The following SEC24A variants were observed in gnomAD, a reference collection of about 807,000 sequenced individuals.
SEC24A encodes SEC24 homolog A, COPII component.
Under a neutral mutation model 129.4 loss-of-function variants are expected in SEC24A, and 93 were observed. That is an observed-to-expected ratio of 0.72 (90% CI 0.61 to 0.85). SEC24A has a LOEUF of 0.85. Ranked by LOEUF, SEC24A falls within the 40% of genes least tolerant of loss-of-function variation. The pLI, the probability that SEC24A is intolerant of heterozygous loss-of-function variation, is 0.00. For synonymous variants in SEC24A, 460 were observed against 467.3 expected, an observed-to-expected ratio of 0.98 and a Z score of 0.20; for missense variants, 1,264 against 1,307.4, an observed-to-expected ratio of 0.97 and a Z score of 0.51.
chr5:134,673,625 T>C (rs1032469398), intron 4 of SEC24A, among the ~76,000 whole-genome samples: 1 of 151,818 alleles, frequency 6.6e-6, no homozygotes, highest in African/African-American at 2.4e-5. Flanking sequence ...ATCTGGGTAA[T>C]TTTTGTACTT....
chr5:134,714,803 T>C lies in SEC24A; in HGVS notation c.2728-221T>C, dbSNP rs542628713. Among the ~76,000 whole-genome samples, 3 of 152,292 alleles carry C rather than the reference T, an allele frequency of 2.0e-5. No homozygotes were observed. In the East Asian group the frequency reaches 5.8e-4, roughly 29 times the overall value. On this transcript the variant is annotated intron_variant, in intron 18 of 22. Transcript: ENST00000398844. The stretch of plus-strand genomic sequence containing the variant: ...ACAGACACCATGGAGATCAGATAAC[T>C]TTGCCATGGTCAGTTAGTTAATTTC...
At chr5:134,679,020 G>A (rs1308880757) in intron 7 of SEC24A, among the ~76,000 whole-genome samples, 1 of 151,600 alleles carries the variant, frequency 6.6e-6, no homozygotes, top group South Asian at 2.1e-4. Flanking sequence ...CACTGTGCCT[G>A]GCCTGCTATT....
chr5:134,681,086 G>A (rs555976883), intron 8 of SEC24A, among the ~76,000 whole-genome samples: 12 of 146,636 alleles, frequency 8.2e-5, no homozygotes, highest in South Asian at 2.2e-4. Context: ...GCGACAGAGC[G>A]AGACTCTGTC....
intron 17 of SEC24A, 127 bp from the exon 18 acceptor site, chr5:134,708,586 T>G: frequency 1.2e-6 from 1 of 812,660 alleles, no homozygotes; most frequent in Non-Finnish European, 1.9e-6. Context: ...TTTTGTCTCA[T>G]TTGTGTATGT....
In SEC24A at chr5:134,649,131, CA is replaced by C. The variant is rs1238784314; in HGVS notation, c.56del (p.Gln19ArgfsTer28). 6.2e-7 allele frequency: 1 copy of C among 1,610,162 alleles called. No individual in the cohort carries two copies. The highest frequency in any genetic ancestry group is 1.1e-5 in the South Asian group (1 of 90,340). On this transcript the variant is annotated frameshift_variant, in exon 1 of 23. Transcript: ENST00000398844. LOFTEE classifies it high-confidence loss of function. ...CGGCGCCCCAGCCAGCCTCCAGGCC[CA>C]GAACGGAGCCGCCTTGGCCTCGGGG... ...SGGAPASLQA[Q>X]NGAALASGSP...
intron 1 of SEC24A, among the ~76,000 whole-genome samples, chr5:134,657,762 A>G (rs1750297354): frequency 6.6e-6 from 1 of 152,010 alleles, no homozygotes; most frequent in Admixed American, 6.6e-5. Context: ...TTTTTTGTAG[A>G]GACGAGGTCT....
intron 19 of SEC24A, among the ~76,000 whole-genome samples, chr5:134,717,393 G>C (rs1444472311): frequency 6.6e-6 from 1 of 151,938 alleles, no homozygotes; most frequent in Non-Finnish European, 1.5e-5. Flanking sequence ...TGTAATCCCA[G>C]CTACTCGGGA....
chr5:134,693,648 T>G, intron 12 of SEC24A, 79 bp from the exon 13 acceptor site: 1 of 1,532,850 alleles, frequency 6.5e-7, no homozygotes. Flanking sequence ...CAATGTCTTG[T>G]CTATTGTATG....
At chr5:134,664,947 C>T (rs534988237) in intron 2 of SEC24A, among the ~76,000 whole-genome samples, 3 of 151,146 alleles carry the variant, frequency 2.0e-5, no homozygotes, top group Non-Finnish European at 4.4e-5. Flanking sequence ...TACAGGCATG[C>T]GCCACCACGC....
At chr5:134,691,779 C>T (rs1004236944) in intron 11 of SEC24A, among the ~76,000 whole-genome samples, 4 of 151,938 alleles carry the variant, frequency 2.6e-5, no homozygotes, top group African/African-American at 9.7e-5. Context: ...GCCACCGTGC[C>T]CGGCCGACCT....
At chr5:134,674,060 G>C (rs138931758) in intron 4 of SEC24A, among the ~76,000 whole-genome samples, 1,690 of 152,206 alleles carry the variant, frequency 0.011, 19 homozygotes, top group Non-Finnish European at 0.015. Flanking sequence ...TTGAACCCGG[G>C]AGGTAGAGGT....
Position 134,685,058 on chromosome 5 carries a change from G to A in SEC24A, c.1492-1732G>A, listed in dbSNP as rs1751402359. Reference sequence around the variant, plus strand: ...ATTCAACTACCCATGGATCGAAAATGTTCAGAAAAACACAGTAAAAAATAT... The same window carrying A: ...ATTCAACTACCCATGGATCGAAAATATTCAGAAAAACACAGTAAAAAATAT... On this transcript the variant is annotated intron_variant, in intron 9 of 22. Transcript: ENST00000398844. 2.0e-5 allele frequency among the ~76,000 whole-genome samples: 3 copies of A among 152,084 alleles called. No individual in the cohort carries two copies. The South Asian group carries it at 6.2e-4, about 31-fold the overall frequency.
rs751848641 is a variant in SEC24A at position 134,686,776 on chromosome 5, C to A, written c.1492-14C>A. 8 of 1,502,868 alleles carry A rather than the reference C, an allele frequency of 5.3e-6. No homozygotes were observed. In the Middle Eastern group the frequency reaches 5.2e-4, roughly 97 times the overall value. The allele number at this position is 1,502,868 out of a possible 1,614,324, so 93.1% of individuals were successfully genotyped here. ...TCCTGTTAAATGTACTTAACAAGATCTTTTTTTCTTCAGTTACGACCACCT... is the reference window on the plus strand; with the variant it reads ...TCCTGTTAAATGTACTTAACAAGATATTTTTTTCTTCAGTTACGACCACCT... On this transcript the variant is annotated splice_polypyrimidine_tract_variant and intron_variant, in intron 9 of 22. Transcript: ENST00000398844.
chr5:134,724,077 A>G (rs1752696332), intron 22 of SEC24A, among the ~76,000 whole-genome samples: 2 of 152,158 alleles, frequency 1.3e-5, no homozygotes, highest in African/African-American at 4.8e-5. Context: ...CATTCATCCT[A>G]ACTGAAATTT....
intron 17 of SEC24A, among the ~76,000 whole-genome samples, chr5:134,707,174 TATCA>T (rs974720307): frequency 6.6e-6 from 1 of 152,112 alleles, no homozygotes; most frequent in Non-Finnish European, 1.5e-5. Flanking sequence ...ATTCTGTCTG[TATCA>T]GGAATAGTTA....
chr5:134,708,989 T>C, intron 18 of SEC24A, 101 bp downstream of exon 18: 1 of 1,130,722 alleles, frequency 8.8e-7, no homozygotes, highest in Non-Finnish European at 1.3e-6. Flanking sequence ...GTGGATTGCT[T>C]GAGTCCAGGC....
In SEC24A at chr5:134,661,413, A is replaced by C. The variant is rs906762330; in HGVS notation, c.392A>C (p.Asn131Thr). Residue 131 changes from asparagine to threonine, a missense_variant, in exon 2 of 23, where the codon AAC (asparagine) becomes ACC (threonine). Transcript: ENST00000398844. ...TCTAGTAGCTTTCTTCCTGAAGCCA[A>C]CCTGCCACCACCTTTGAATTGGCAA... ...MPSSSFLPEA[N>T]LPPPLNWQYN... 1 of 1,614,190 alleles carries C rather than the reference A, an allele frequency of 6.2e-7. No individual in the cohort carries two copies. Among genetic ancestry groups the C allele is most frequent in the South Asian group, 1.1e-5 (1 of 91,082 alleles).
At chr5:134,702,215 A>G (rs559417908) in intron 15 of SEC24A, among the ~76,000 whole-genome samples, 3 of 152,178 alleles carry the variant, frequency 2.0e-5, no homozygotes, top group South Asian at 4.1e-4. Context: ...GGGTCTCACT[A>G]TGTTGCCCAG....
rs76709553 is a variant in SEC24A at position 134,667,222 on chromosome 5, T to G, written c.739+226T>G. Among the ~76,000 whole-genome samples, 1,167 of 152,282 alleles carry G rather than the reference T, an allele frequency of 7.7e-3. 13 individuals are homozygous for G. The highest frequency in any genetic ancestry group is 0.027 in the African/African-American group (1,109 of 41,566). ...AAAAGCTCTTAGTGTTTTGTTACTT[T>G]TTTTGTTGCTATGCGGATTTTTTAA... On this transcript the variant is annotated intron_variant, in intron 3 of 22. Coordinates refer to ENST00000398844, the MANE Select transcript of SEC24A (RefSeq NM_021982.3).
Sources: allele counts gnomAD v4.1 joint callset (sites outside exome capture counted in the v4.1 genomes callset), GRCh38; gene constraint gnomAD v4.1.1; transcripts MANE v1.5; gene names NCBI Gene and HGNC (gene_info 2026-07-23, HGNC 2026-07-21).